Variants in GPC5 observed in about 807,000 individuals in gnomAD.
GPC5 encodes glypican 5, also known as glypican-5.
A neutral mutation model predicts 53.9 loss-of-function variants in GPC5; 47 were observed. That is an observed-to-expected ratio of 0.87 (90% CI 0.69 to 1.11). GPC5 has a LOEUF of 1.11. GPC5 is among the 50% of genes most tolerant of loss of function. GPC5 has a pLI of 0.00. For missense variants in GPC5, 748 were observed against 713.1 expected (o/e 1.05, Z -0.56); for synonymous variants, 286 against 263.3 (o/e 1.09, Z -0.84).
At chr13:91,971,997 C>T (rs2040246914) in intron 6 of GPC5, among the ~76,000 whole-genome samples, 1 of 152,136 alleles carries the variant, frequency 6.6e-6, no homozygotes. Context: ...TGGTGCAGAG[C>T]TGAGTTCAGT....
chr13:92,174,565 AC>A (rs2042095787), intron 7 of GPC5, among the ~76,000 whole-genome samples: 1 of 151,776 alleles, frequency 6.6e-6, no homozygotes, highest in African/African-American at 2.4e-5. Context: ...AACAACAACA[AC>A]AACAAAAAAA....
intron 4 of GPC5, among the ~76,000 whole-genome samples, chr13:91,755,255 T>C (rs530665772): frequency 6.6e-6 from 1 of 152,246 alleles, no homozygotes; most frequent in South Asian, 2.1e-4. Context: ...CTGTCTTCTT[T>C]GATCTCATTT....
chr13:92,526,260 T>C (rs529492758), intron 7 of GPC5, among the ~76,000 whole-genome samples: 22 of 152,174 alleles, frequency 1.4e-4, no homozygotes, highest in Admixed American at 5.2e-4. Flanking sequence ...AAGAAAAATA[T>C]GATAAATGTT....
chr13:91,992,210 T>A (rs193036723), intron 6 of GPC5, among the ~76,000 whole-genome samples: 1 of 151,832 alleles, frequency 6.6e-6, no homozygotes, highest in Non-Finnish European at 1.5e-5. Context: ...TTTTTGAAAC[T>A]TTTTCAGAGA....
At chr13:92,549,830 T>C (rs896785968) in intron 7 of GPC5, among the ~76,000 whole-genome samples, 2 of 151,502 alleles carry the variant, frequency 1.3e-5, no homozygotes, top group African/African-American at 4.8e-5. Context: ...ATAAGAGTTT[T>C]AGACAAGAAG....
chr13:91,617,338 A>G (rs967498356), intron 2 of GPC5, among the ~76,000 whole-genome samples: 7 of 152,132 alleles, frequency 4.6e-5, no homozygotes, highest in African/African-American at 1.7e-4. Flanking sequence ...GTTTTTAAGG[A>G]TGAATAGAAT....
chr13:92,014,830 A>G (rs1373252575), intron 6 of GPC5, among the ~76,000 whole-genome samples: 1 of 152,166 alleles, frequency 6.6e-6, no homozygotes, highest in Non-Finnish European at 1.5e-5. Flanking sequence ...ACTCAGATCT[A>G]TGCATTAGAA....
intron 7 of GPC5, among the ~76,000 whole-genome samples, chr13:92,298,275 T>G (rs2043051932): frequency 6.6e-6 from 1 of 152,150 alleles, no homozygotes; most frequent in Admixed American, 6.5e-5. Flanking sequence ...AAATACGGCT[T>G]TCCTCCTTCC....
At chr13:92,370,725 T>C (rs1246145759) in intron 7 of GPC5, among the ~76,000 whole-genome samples, 3 of 152,212 alleles carry the variant, frequency 2.0e-5, no homozygotes, top group African/African-American at 7.2e-5. Context: ...GTATCATGAC[T>C]TTACCCAAAA....
At chr13:92,537,701 A>G (rs1314096588) in intron 7 of GPC5, among the ~76,000 whole-genome samples, 1 of 152,122 alleles carries the variant, frequency 6.6e-6, no homozygotes, top group African/African-American at 2.4e-5. Flanking sequence ...CCAGCCTTAG[A>G]GTATATTATC....
chr13:92,282,294 G>A (rs997300138), intron 7 of GPC5, among the ~76,000 whole-genome samples: 1 of 152,302 alleles, frequency 6.6e-6, no homozygotes, highest in African/African-American at 2.4e-5. Flanking sequence ...AAGTGACGGG[G>A]AGAATGGAAC....
intron 7 of GPC5, among the ~76,000 whole-genome samples, chr13:92,404,459 G>A (rs759244963): frequency 6.6e-6 from 1 of 152,096 alleles, no homozygotes; most frequent in Non-Finnish European, 1.5e-5. Flanking sequence ...AACAAAATTG[G>A]ACAAAAGCAA....
At chr13:92,380,988 G>A (rs1451463663) in intron 7 of GPC5, among the ~76,000 whole-genome samples, 1 of 151,952 alleles carries the variant, frequency 6.6e-6, no homozygotes, top group Non-Finnish European at 1.5e-5. Context: ...CCCTTTCCAT[G>A]ACCACATGAA....
chr13:92,337,380 G>A (rs764565216), intron 7 of GPC5, among the ~76,000 whole-genome samples: 7 of 152,030 alleles, frequency 4.6e-5, no homozygotes, highest in African/African-American at 1.4e-4. Context: ...CAACTGGATC[G>A]ATTCAGTGCA....
intron 5 of GPC5, among the ~76,000 whole-genome samples, chr13:91,797,029 A>G (rs1190517167): frequency 2.0e-5 from 3 of 152,196 alleles, no homozygotes; most frequent in Non-Finnish European, 4.4e-5. Flanking sequence ...CTATTTAACA[A>G]TGATCATAAT....
intron 5 of GPC5, among the ~76,000 whole-genome samples, chr13:91,823,914 C>CA (rs2038535072): frequency 6.6e-6 from 1 of 152,010 alleles, no homozygotes; most frequent in Admixed American, 6.6e-5. Context: ...TTTCTAAGAT[C>CA]ATTTTCCTAA....
chr13:91,532,456 T>G (rs1886393607), intron 2 of GPC5, among the ~76,000 whole-genome samples: 1 of 152,234 alleles, frequency 6.6e-6, no homozygotes, highest in Admixed American at 6.5e-5. Flanking sequence ...GTCTTCATTT[T>G]CCATGGATCT....
chr13:91,509,634 T>G (rs962322905), intron 2 of GPC5, among the ~76,000 whole-genome samples: 2 of 151,942 alleles, frequency 1.3e-5, no homozygotes, highest in Non-Finnish European at 2.9e-5. Flanking sequence ...TCAAAAGAGT[T>G]TTATATTAAA....
intron 1 of GPC5, among the ~76,000 whole-genome samples, chr13:91,402,242 C>T (rs546574885): frequency 6.6e-6 from 1 of 152,152 alleles, no homozygotes; most frequent in Admixed American, 6.5e-5. Flanking sequence ...AGCAAGTATA[C>T]TCTCGATATC....
Sources: gnomAD v4.1 joint callset for allele counts (sites outside exome capture counted in the v4.1 genomes callset) on GRCh38, gnomAD v4.1.1 for gene constraint, MANE v1.5 for transcripts, NCBI Gene and HGNC (gene_info 2026-07-23, HGNC 2026-07-21) for gene names.